Variants in DPP6 observed in about 807,000 individuals in gnomAD.
DPP6 encodes dipeptidyl peptidase like 6, also known as A-type potassium channel modulatory protein DPP6.
In DPP6, 69 loss-of-function variants were observed where a neutral mutation model predicts 122.6. The observed-to-expected ratio is 0.56, with a 90% CI of 0.46 to 0.69. The LOEUF (loss-of-function observed/expected upper bound fraction) is 0.69, where lower values mean the gene tolerates loss of function less well. DPP6 is among the 30% of genes least tolerant of loss of function. The probability of loss-of-function intolerance (pLI) is 0.00; values close to 1 mark genes in which losing one functional copy is unlikely to be tolerated. For synonymous variants in DPP6, 418 were observed against 433.1 expected, an observed-to-expected ratio of 0.97 and a Z score of 0.43; for missense variants, 928 against 1,116.9, an observed-to-expected ratio of 0.83 and a Z score of 2.41.
intron 3 of DPP6, among the ~76,000 whole-genome samples, chr7:154,508,990 G>T (rs1253476247): frequency 2.6e-5 from 4 of 152,026 alleles, no homozygotes; most frequent in African/African-American, 9.7e-5. Context: ...ACTCAAAATG[G>T]ATCAAAAACC....
intron 3 of DPP6, among the ~76,000 whole-genome samples, chr7:154,502,686 A>G (rs1825354855): frequency 1.3e-5 from 2 of 152,178 alleles, no homozygotes; most frequent in African/African-American, 4.8e-5. Context: ...CTTTATCAGC[A>G]GTGTGAAAAT....
intron 1 of DPP6, among the ~76,000 whole-genome samples, chr7:153,976,255 C>G (rs915007940): frequency 6.6e-6 from 1 of 152,096 alleles, no homozygotes; most frequent in Non-Finnish European, 1.5e-5. Context: ...GTGAGGGAAC[C>G]AGCAAACCCA....
Position 154,093,141 on chromosome 7 carries a change from A to G in DPP6, c.243+40078A>G, listed in dbSNP as rs141223266. 2.1e-3 allele frequency among the ~76,000 whole-genome samples: 307 copies of G among 149,258 alleles called. 1 individual carries two copies. The highest frequency in any genetic ancestry group is 7.1e-3 in the African/African-American group (289 of 40,582). On this transcript the variant is annotated intron_variant, in intron 1 of 25. Transcript: ENST00000377770. ...ACACCACATAACACACATCCTACATATGACATCATACATCATACACACCAC... is the reference window on the plus strand; with the variant it reads ...ACACCACATAACACACATCCTACATGTGACATCATACATCATACACACCAC...
rs1055107282 is a variant in DPP6 at position 154,769,291 on chromosome 7, G to A, written c.884-126G>A. 7.3e-6 allele frequency: 9 copies of A among 1,234,932 alleles called. No individual in the cohort carries two copies. In the African/African-American group the frequency reaches 1.2e-4, roughly 16 times the overall value. The allele number at this position is 1,234,932 out of a possible 1,614,324, so 76.5% of individuals were successfully genotyped here. On this transcript the variant is annotated intron_variant, in intron 8 of 25. Transcript: ENST00000377770. ...AGAACACAGTGAAGGTTCCTCAAAG[G>A]TTGTAGCAGATAAGGGGCTCTGCAG... is the stretch of plus-strand genomic sequence containing the variant.
At position 154,075,323 on chromosome 7, in the gene DPP6, A is replaced by G. The variant is rs373132765; in HGVS notation, c.243+22260A>G. 8.6e-4 allele frequency among the ~76,000 whole-genome samples: 131 copies of G among 152,238 alleles called. 2 individuals carry two copies. The South Asian group carries it at 0.026, about 30-fold the overall frequency. ...TACTGTGTATCTATCTACCCAGCAG[A>G]AGATAAGTCATTATATGAAAAAGAC... is the stretch of plus-strand genomic sequence containing the variant. On this transcript the variant is annotated intron_variant, in intron 1 of 25. Coordinates refer to ENST00000377770, the MANE Select transcript of DPP6 (RefSeq NM_130797.4).
At chr7:154,575,164 A>ATT (rs1831481721) in intron 5 of DPP6, among the ~76,000 whole-genome samples, 1 of 52,610 alleles carries the variant, frequency 1.9e-5, no homozygotes, top group Non-Finnish European at 3.7e-5. Flanking sequence ...GTCTGTGTGT[A>ATT]TGTGTGTGGG....
At chr7:154,797,807 C>T (rs761248774) in intron 12 of DPP6, among the ~76,000 whole-genome samples, 3 of 152,280 alleles carry the variant, frequency 2.0e-5, no homozygotes, top group East Asian at 1.9e-4. Flanking sequence ...TTTACCTCAA[C>T]GATTTTTTAA....
chr7:154,763,182 AT>A (rs1795668729), intron 8 of DPP6, among the ~76,000 whole-genome samples: 1 of 152,138 alleles, frequency 6.6e-6, no homozygotes, highest in Admixed American at 6.6e-5. Flanking sequence ...AAATACAGAA[AT>A]TAGCTGGGTG....
chr7:153,863,463 A>G, the DPP6 span, among the ~76,000 whole-genome samples: 1 of 149,826 alleles, frequency 6.7e-6, no homozygotes. Flanking sequence ...TTTTCCCCTC[A>G]GTCTTTTTTT....
intron 1 of DPP6, among the ~76,000 whole-genome samples, chr7:154,139,605 G>A (rs190814207): frequency 3.3e-5 from 5 of 151,922 alleles, no homozygotes; most frequent in Middle Eastern, 3.4e-3. Flanking sequence ...GTGGGTCAGG[G>A]AGAAGGTGGC....
intron 1 of DPP6, among the ~76,000 whole-genome samples, chr7:154,248,364 G>A (rs2150890320): frequency 6.6e-6 from 1 of 152,210 alleles, no homozygotes; most frequent in Middle Eastern, 3.4e-3. Flanking sequence ...AGGAAGCCAG[G>A]CAAAAAGGAC....
chr7:154,759,898 C>T (rs747174144), intron 8 of DPP6, among the ~76,000 whole-genome samples: 19 of 152,254 alleles, frequency 1.2e-4, no homozygotes, highest in South Asian at 4.2e-4. Context: ...CCAAGGAGGG[C>T]GGATCACGAG....
At chr7:154,572,024 G>A (rs564110272) in intron 5 of DPP6, among the ~76,000 whole-genome samples, 1 of 152,292 alleles carries the variant, frequency 6.6e-6, no homozygotes, top group East Asian at 1.9e-4. Context: ...CTGCTTCCAA[G>A]CTCAGGGCAT....
At chr7:154,314,326 G>C (rs1254070030) in intron 1 of DPP6, among the ~76,000 whole-genome samples, 4 of 152,140 alleles carry the variant, frequency 2.6e-5, no homozygotes, top group Non-Finnish European at 5.9e-5. Context: ...ATTGTTCAGT[G>C]AACACCTACT....
At chr7:154,437,424 C>T (rs1818965645) in intron 1 of DPP6, among the ~76,000 whole-genome samples, 1 of 152,180 alleles carries the variant, frequency 6.6e-6, no homozygotes, top group African/African-American at 2.4e-5. Context: ...ACTGTCTTGG[C>T]TGGCATTTGC....
intron 1 of DPP6, among the ~76,000 whole-genome samples, chr7:154,273,988 T>C (rs1803967679): frequency 6.6e-6 from 1 of 152,228 alleles, no homozygotes; most frequent in East Asian, 1.9e-4. Context: ...CCACACCTTT[T>C]CATAAAGCCA....
intron 4 of DPP6, among the ~76,000 whole-genome samples, chr7:154,555,785 C>T (rs1240258766): frequency 6.6e-6 from 1 of 151,474 alleles, no homozygotes; most frequent in East Asian, 1.9e-4. Flanking sequence ...ACAATAAGAA[C>T]AAAAATATAA....
intron 6 of DPP6, among the ~76,000 whole-genome samples, chr7:154,658,240 C>T (rs1272581982): frequency 6.6e-6 from 1 of 152,110 alleles, no homozygotes; most frequent in Non-Finnish European, 1.5e-5. Context: ...CACACTAATG[C>T]AAGATGTTTG....
chr7:154,367,347 G>A (rs544181993), intron 1 of DPP6, among the ~76,000 whole-genome samples: 23 of 152,324 alleles, frequency 1.5e-4, no homozygotes, highest in Admixed American at 1.4e-3. Flanking sequence ...TTTTGAGTTA[G>A]TGTAATTTCA....
Sources: allele counts gnomAD v4.1 joint callset (sites outside exome capture counted in the v4.1 genomes callset), GRCh38; gene constraint gnomAD v4.1.1; transcripts MANE v1.5; gene names NCBI Gene and HGNC (gene_info 2026-07-23, HGNC 2026-07-21).